Variants in PAPPA observed in about 807,000 individuals in gnomAD.
PAPPA encodes pappalysin 1.
In PAPPA, 60 loss-of-function variants were observed where a neutral mutation model predicts 164.0. That is an observed-to-expected ratio of 0.37 (90% CI 0.30 to 0.45). PAPPA has a LOEUF of 0.45. Ranked by LOEUF, PAPPA falls within the 20% of genes least tolerant of loss-of-function variation. PAPPA has a pLI of 1.00. For missense variants in PAPPA, 1,782 were observed against 2,087.3 expected, an observed-to-expected ratio of 0.85 and a Z score of 2.85; for synonymous variants, 875 against 814.1, an observed-to-expected ratio of 1.07 and a Z score of -1.27.
chr9:116,364,127 C>T (rs1465522266), intron 18 of PAPPA, among the ~76,000 whole-genome samples: 3 of 152,192 alleles, frequency 2.0e-5, no homozygotes, highest in Non-Finnish European at 2.9e-5. Context: ...GCAGCATGGG[C>T]TGCACCATCC....
chr9:116,252,222 T>C (rs1844868456), intron 7 of PAPPA, among the ~76,000 whole-genome samples: 1 of 152,212 alleles, frequency 6.6e-6, no homozygotes, highest in African/African-American at 2.4e-5. Flanking sequence ...AAGGATGTCG[T>C]TGCCAGTAGG....
intron 10 of PAPPA, among the ~76,000 whole-genome samples, chr9:116,303,531 A>G (rs1337883465): frequency 6.6e-6 from 1 of 152,080 alleles, no homozygotes; most frequent in East Asian, 1.9e-4. Context: ...CCAGGGAGTG[A>G]GAGTTTTGGG....
intron 20 of PAPPA, among the ~76,000 whole-genome samples, chr9:116,378,348 A>C (rs951908541): frequency 1.3e-5 from 2 of 152,146 alleles, no homozygotes; most frequent in African/African-American, 4.8e-5. Flanking sequence ...CTGTCCACGG[A>C]ACTCAAAGAC....
chr9:116,230,426 G>A (rs1844576058), intron 6 of PAPPA, among the ~76,000 whole-genome samples: 1 of 152,138 alleles, frequency 6.6e-6, no homozygotes, highest in African/African-American at 2.4e-5. Flanking sequence ...GAATGCAGGG[G>A]AGGGAAAGGA....
chr9:116,230,245 C>A (rs1194531512), intron 6 of PAPPA, among the ~76,000 whole-genome samples: 1 of 152,150 alleles, frequency 6.6e-6, no homozygotes, highest in East Asian at 1.9e-4. Context: ...TTTTAATATC[C>A]TTGAAGAAAT....
At chr9:116,305,875 A>G (rs1251941824) in intron 10 of PAPPA, among the ~76,000 whole-genome samples, 3 of 152,144 alleles carry the variant, frequency 2.0e-5, no homozygotes, top group Non-Finnish European at 4.4e-5. Flanking sequence ...AGATCTCAGC[A>G]TTGAGTGTCA....
chr9:116,191,121 G>A (rs1454361366), intron 2 of PAPPA, among the ~76,000 whole-genome samples: 2 of 152,190 alleles, frequency 1.3e-5, no homozygotes, highest in African/African-American at 4.8e-5. Context: ...AAGCTCTGAA[G>A]GCCTATCCTG....
intron 18 of PAPPA, among the ~76,000 whole-genome samples, chr9:116,364,110 AT>A (rs1846467673): frequency 1.3e-5 from 2 of 152,210 alleles, no homozygotes; most frequent in African/African-American, 4.8e-5. Flanking sequence ...AAGTATTGCC[AT>A]GGTGAGCAGC....
At position 116,187,018 on chromosome 9, in the gene PAPPA, C is replaced by T. The variant is rs921629789; in HGVS notation, c.416-136C>T. On this transcript the variant is annotated intron_variant, in intron 1 of 21. Transcript: ENST00000328252. This position sits in a 1 kb window ranked among gnomAD's most constrained non-coding sequence, Gnocchi z 4.2. ...GGTCCCAGAGGCACCATTAGCAACT[C>T]CTAGGATCCCACAGAGCAGTTGGAA... 3 of 659,842 alleles carry T rather than the reference C, an allele frequency of 4.5e-6. No homozygotes were observed. The highest frequency in any genetic ancestry group is 5.1e-6 in the Non-Finnish European group (2 of 394,136). 40.9% of individuals were successfully genotyped at this position (659,842 alleles called of 1,614,324 possible).
intron 20 of PAPPA, among the ~76,000 whole-genome samples, chr9:116,381,233 T>C (rs1430267884): frequency 6.6e-6 from 1 of 152,112 alleles, no homozygotes. Context: ...TTGGCTGAGG[T>C]TGGGAGGACT....
rs2118705397 is a variant in PAPPA, at chr9:116,220,103, A to G, written c.2085A>G (p.Pro695=). Residue 695 remains proline (P), a synonymous_variant, in exon 5 of 22, where the codon CCA becomes CCG. Coordinates refer to ENST00000328252, the MANE Select transcript of PAPPA (RefSeq NM_002581.5). The stretch of plus-strand genomic sequence containing the variant: ...ACTCTGTGACACTGGAGTGGTTCCC[A>G]CCTATAGATGGCCATTTCTTTGAAA... ...TTDSVTLEWF[P]PIDGHFFERE... 6.2e-7 allele frequency: 1 copy of G among 1,613,688 alleles called. No individual in the cohort carries two copies. The highest frequency in any genetic ancestry group is 8.5e-7 in the Non-Finnish European group (1 of 1,179,898).
In PAPPA at chr9:116,302,922, T is replaced by C. The variant is rs1333566819; in HGVS notation, c.3119T>C (p.Val1040Ala). The C allele has an allele frequency of 1.2e-6, 2 of 1,613,858 alleles. No individual in the cohort carries two copies. Among genetic ancestry groups the C allele is most frequent in the Non-Finnish European group, 1.7e-6 (2 of 1,179,952 alleles). Residue 1040 changes from valine to alanine, a missense_variant, in exon 10 of 22, where the codon GTC (valine) becomes GCC (alanine). This residue lies in a region of PAPPA where 1,324 missense variants were observed against 1,656.9 expected (regional missense o/e 0.80). Coordinates refer to ENST00000328252, the MANE Select transcript of PAPPA (RefSeq NM_002581.5). ...CAAGACCAGCAATGCCCAGGCTGGG[T>C]CATCATCGGACAGCCAGCAGCATCC... ...SHQDQQCPGWVIIGQPAASQV... is the reference protein window; with the variant it reads ...SHQDQQCPGWAIIGQPAASQV...
chr9:116,307,952 G>C (rs1237385188), intron 10 of PAPPA, among the ~76,000 whole-genome samples: 1 of 151,990 alleles, frequency 6.6e-6, no homozygotes, highest in East Asian at 1.9e-4. Flanking sequence ...CTCTGTGCTG[G>C]GTTTGTTAAC....
At chr9:116,195,591 T>A (rs1363154087) in intron 2 of PAPPA, among the ~76,000 whole-genome samples, 1 of 152,170 alleles carries the variant, frequency 6.6e-6, no homozygotes, top group Non-Finnish European at 1.5e-5. Flanking sequence ...GTCTAGTGCA[T>A]TGGGTGGTTT....
rs1846973014 is a variant in PAPPA, at chr9:116,396,961, C to G, written c.*345C>G. ...TGCCCATCTGTGTTTAGTACACATG[C>G]ATGCATACACACCCATACAAACATC... On this transcript the variant is annotated 3_prime_UTR_variant, in exon 22 of 22. Coordinates refer to ENST00000328252, the MANE Select transcript of PAPPA (RefSeq NM_002581.5). 3.6e-6 allele frequency: 1 copy of G among 274,028 alleles called. No homozygotes were observed. The highest frequency in any genetic ancestry group is 2.2e-5 in the African/African-American group (1 of 46,210). 17.0% of individuals were successfully genotyped at this position (274,028 alleles called of 1,614,324 possible).
At chr9:116,376,256 T>C (rs1425735987) in intron 19 of PAPPA, among the ~76,000 whole-genome samples, 1 of 152,156 alleles carries the variant, frequency 6.6e-6, no homozygotes, top group Non-Finnish European at 1.5e-5. Flanking sequence ...TTTGACCTCA[T>C]GATCCACCTG....
chr9:116,220,183 A>G (rs1488967239), intron 5 of PAPPA, 54 bp downstream of exon 5: 1 of 1,400,938 alleles, frequency 7.1e-7, no homozygotes, highest in Non-Finnish European at 9.8e-7. Flanking sequence ...GCCAAGAAGA[A>G]GGAAACTTGG....
At chr9:116,199,630 C>T (rs1844147735) in intron 2 of PAPPA, among the ~76,000 whole-genome samples, 1 of 152,140 alleles carries the variant, frequency 6.6e-6, no homozygotes, top group South Asian at 2.1e-4. Flanking sequence ...TCCCAGGACA[C>T]TTTCAATTCT....
intron 3 of PAPPA, among the ~76,000 whole-genome samples, chr9:116,208,911 G>A (rs1393533194): frequency 6.6e-6 from 1 of 152,154 alleles, no homozygotes; most frequent in Non-Finnish European, 1.5e-5. Flanking sequence ...CTTGTTCTCA[G>A]CTGGGAGGAT....
Sources: gnomAD v4.1 joint callset for allele counts (sites outside exome capture counted in the v4.1 genomes callset) on GRCh38, gnomAD v4.1.1 for gene constraint, gnomAD v4.1.1 regional missense constraint, Gnocchi (gnomAD v3.1) non-coding constraint, MANE v1.5 for transcripts, NCBI Gene and HGNC (gene_info 2026-07-23, HGNC 2026-07-21) for gene names.